MMP28: variants seen among roughly 807,000 people sequenced by gnomAD.
MMP28 encodes the protein matrix metallopeptidase 28, also known as matrix metalloproteinase-28.
A neutral mutation model predicts 60.5 loss-of-function variants in MMP28; 55 were observed. The ratio of observed to expected loss-of-function variants is 0.91; its 90% CI spans 0.73 to 1.14. MMP28 has a LOEUF of 1.14. Among genes scored for constraint, MMP28 ranks in the 50% most tolerant of loss-of-function variants. The probability of loss-of-function intolerance (pLI) is 0.00; values close to 1 mark genes in which losing one functional copy is unlikely to be tolerated. For synonymous variants in MMP28, 318 were observed against 312.5 expected, an observed-to-expected ratio of 1.02 and a Z score of -0.18; for missense variants, 686 against 738.3, an observed-to-expected ratio of 0.93 and a Z score of 0.82.
intron 1 of MMP28, among the ~76,000 whole-genome samples, chr17:35,786,715 A>AAAAAAAAAAAAAAAAAAAGAT (rs2086661211): frequency 6.6e-6 from 1 of 151,268 alleles, no homozygotes; most frequent in African/African-American, 2.4e-5. Flanking sequence ...AAAAAAAAAA[A>AAAAAAAAAAAAAAAAAAAGAT]GATGAATGAT....
At chr17:35,764,745 C>T (rs1360759554), downstream of MMP28, 10 of 1,047,480 alleles carry the variant, frequency 9.5e-6, no homozygotes, top group African/African-American at 1.4e-4. Context: ...TCAGCTGCTG[C>T]CCAGAGCGCC....
chr17:35,774,759 C>G (rs1555607149), intron 3 of MMP28, among the ~76,000 whole-genome samples: 1 of 152,166 alleles, frequency 6.6e-6, no homozygotes, highest in Non-Finnish European at 1.5e-5. Context: ...AGTGACCAAC[C>G]CTTAACGAGG....
intron 3 of MMP28, among the ~76,000 whole-genome samples, chr17:35,773,761 G>A (rs1483854066): frequency 6.6e-6 from 1 of 152,198 alleles, no homozygotes; most frequent in Non-Finnish European, 1.5e-5. Flanking sequence ...CACAGCCTGG[G>A]CTGAGTCTGA....
rs1342355706 is a variant in MMP28 at position 35,779,283 on chromosome 17, G to A, written c.152C>T (p.Pro51Leu). 6 of 1,613,362 alleles carry A rather than the reference G, an allele frequency of 3.7e-6. No individual in the cohort carries two copies. Among genetic ancestry groups the A allele is most frequent in the Non-Finnish European group, 5.1e-6 (6 of 1,179,722 alleles). Residue 51 changes from proline (P) to leucine (L), a missense_variant, in exon 2 of 8, where the codon CCC (proline) becomes CTC (leucine). Transcript: ENST00000605424. ...EKYGYLNEQV[P>L]KAPTSTRFSD... ...GAATCGAGTGGAGGTGGGAGCTTTG[G>A]GGACCTGTTCATTGAGGTATCCGTA...
intron 2 of MMP28, among the ~76,000 whole-genome samples, chr17:35,756,595 C>T (rs1273459689): frequency 1.3e-5 from 2 of 151,776 alleles, no homozygotes; most frequent in African/African-American, 2.4e-5. Context: ...CTCAGCTTCC[C>T]GAGTAGCTGA....
Position 35,766,691 on chromosome 17 carries a change from C to T in MMP28, c.1372G>A (p.Asp458Asn). Reference protein sequence around the residue: ...VEPYYPRSLQDWGGIPEEVSG... With the variant: ...VEPYYPRSLQNWGGIPEEVSG... ...ACCTCCTCAGGGATGCCTCCCCAGT[C>T]CTGCAGACTTCGGGGGTAGTAGGGC... The change falls in exon 8 of 8, where the codon GAC (aspartate) becomes AAC (asparagine). Residue 458 changes from aspartate to asparagine, a missense_variant. Physicochemically the swap from Asp to Asn is conservative, Grantham distance 23 (BLOSUM62 1). Transcript: ENST00000605424. The surrounding 1 kb of genome is among the most constrained non-coding windows in gnomAD (Gnocchi z 4.3). 1.9e-6 allele frequency: 3 copies of T among 1,608,466 alleles called. No homozygotes were observed. Among genetic ancestry groups the T allele is most frequent in the Non-Finnish European group, 2.5e-6 (3 of 1,177,620 alleles).
chr17:35,764,059 C>G (rs4795087), downstream of MMP28: 322,782 of 1,549,228 alleles, frequency 0.21, 38,778 homozygotes, highest in African/African-American at 0.51. Context: ...GGGCCGAGGA[C>G]GCGGAGCAAG....
chr17:35,770,025 G>A (rs1334021764), intron 5 of MMP28, 42 bp downstream of exon 5: 1 of 1,502,546 alleles, frequency 6.7e-7, no homozygotes. Context: ...GGCCTTGGGG[G>A]CAGGAGTGGG....
rs2086078103 is a variant in MMP28 at position 35,770,145 on chromosome 17, TGAGCGCGCGCGGC to T, written c.759_771del (p.Pro254TrpfsTer30). ...CCCAGCCTCTTGTAGTAGGGCGCCA[TGAGCGCGCGCGGC>T]GCGGGCGAGTGGGTGAGGCCAAGCG... is the stretch of plus-strand genomic sequence containing the variant. On this transcript the variant is annotated frameshift_variant, in exon 5 of 8. Coordinates refer to ENST00000605424, the MANE Select transcript of MMP28 (RefSeq NM_024302.5). LOFTEE classifies it high-confidence loss of function. The T allele has an allele frequency of 6.2e-7, 1 of 1,607,356 alleles. No individual in the cohort carries two copies. The highest frequency in any genetic ancestry group is 1.7e-5 in the Admixed American group (1 of 59,418).
Position 35,773,231 on chromosome 17 carries a change from A to T in MMP28, c.553T>A (p.Phe185Ile). 1.2e-6 allele frequency: 2 copies of T among 1,614,048 alleles called. No homozygotes were observed. Among genetic ancestry groups the T allele is most frequent in the Non-Finnish European group, 8.5e-7 (1 of 1,179,894 alleles). ...ATGPADIRLT[F>I]FQGDHNDGLG... ...CCATCGTTGTGGTCCCCTTGGAAGAAGGTGAGCCGGATGTCAGCGGGGCCT... is the reference window on the plus strand; with the variant it reads ...CCATCGTTGTGGTCCCCTTGGAAGATGGTGAGCCGGATGTCAGCGGGGCCT... The change falls in exon 4 of 8, where the codon TTC (phenylalanine) becomes ATC (isoleucine). Residue 185 changes from phenylalanine to isoleucine, a missense_variant. Transcript: ENST00000605424.
At chr17:35,757,184 T>C (rs1465564017) in intron 2 of MMP28, 2 of 150,456 alleles carry the variant, frequency 1.3e-5, no homozygotes, top group Non-Finnish European at 2.9e-5. Flanking sequence ...ATAAATAAAA[T>C]AAAAAATAGA....
intron 2 of MMP28, 51 bp from the exon 3 acceptor site, chr17:35,779,126 C>A: frequency 6.3e-7 from 1 of 1,590,320 alleles, no homozygotes; most frequent in Non-Finnish European, 8.6e-7. Context: ...AGGGTGAGGG[C>A]AGGGAAGTCT....
intron 3 of MMP28, chr17:35,778,575 T>G (rs1013914878): frequency 2.6e-5 from 12 of 465,600 alleles, no homozygotes; most frequent in Non-Finnish European, 4.1e-5. Context: ...CTTCAGTAAA[T>G]ATAAATGAAA....
chr17:35,784,711 A>C (rs1185200885), intron 1 of MMP28, among the ~76,000 whole-genome samples: 1 of 152,092 alleles, frequency 6.6e-6, no homozygotes, highest in Admixed American at 6.5e-5. Context: ...CTTGACCACA[A>C]ACCCTCTTGG....
intron 1 of MMP28, among the ~76,000 whole-genome samples, chr17:35,792,463 G>C (rs1273649941): frequency 6.6e-6 from 1 of 152,192 alleles, no homozygotes; most frequent in East Asian, 1.9e-4. Context: ...ACACACTTCA[G>C]ATGATGCCAG....
At chr17:35,762,907 C>G (rs1318016371), downstream of MMP28, among the ~76,000 whole-genome samples, 1 of 151,978 alleles carries the variant, frequency 6.6e-6, no homozygotes, top group Non-Finnish European at 1.5e-5. Flanking sequence ...GGGCAGATCA[C>G]GAGGTCAGAT....
intron 1 of MMP28, among the ~76,000 whole-genome samples, chr17:35,787,642 A>G (rs1555610796): frequency 6.6e-6 from 1 of 152,020 alleles, no homozygotes; most frequent in African/African-American, 2.4e-5. Flanking sequence ...AGGCGTACAC[A>G]CCATGCCCGG....
Position 35,766,786 on chromosome 17 carries a change from G to A in MMP28, c.1277C>T (p.Pro426Leu). ...RHPDAALFFP[P>L]LRRLILFKGA... Reference sequence around the variant, plus strand: ...CTTGAAGAGGATGAGGCGGCGCAGAGGAGGGAAGAAGAGGGCGGCGTCAGG... The same window carrying A: ...CTTGAAGAGGATGAGGCGGCGCAGAAGAGGGAAGAAGAGGGCGGCGTCAGG... Residue 426 changes from proline to leucine, a missense_variant, in exon 8 of 8, where the codon CCT becomes CTT. Coordinates refer to ENST00000605424, the MANE Select transcript of MMP28 (RefSeq NM_024302.5). This position sits in a 1 kb window ranked among gnomAD's most constrained non-coding sequence, Gnocchi z 4.3. The A allele has an allele frequency of 2.5e-6, 4 of 1,575,104 alleles. No homozygotes were observed. Among genetic ancestry groups the A allele is most frequent in the Non-Finnish European group, 3.4e-6 (4 of 1,161,098 alleles).
chr17:35,768,652 A>T (rs1273673045), intron 5 of MMP28, among the ~76,000 whole-genome samples: 1 of 152,152 alleles, frequency 6.6e-6, no homozygotes, highest in Non-Finnish European at 1.5e-5. Flanking sequence ...TGTACTAAAA[A>T]TACAAAAATT....
Sources: gnomAD v4.1 joint callset for allele counts (sites outside exome capture counted in the v4.1 genomes callset) on GRCh38, gnomAD v4.1.1 for gene constraint, Gnocchi (gnomAD v3.1) non-coding constraint, MANE v1.5 for transcripts, NCBI Gene and HGNC (gene_info 2026-07-23, HGNC 2026-07-21) for gene names.